AVEN: variants seen among roughly 807,000 people sequenced by gnomAD.
AVEN encodes the protein apoptosis and caspase activation inhibitor.
A neutral mutation model predicts 38.1 loss-of-function variants in AVEN; 41 were observed. That is an observed-to-expected ratio of 1.08 (90% CI 0.84 to 1.40). The LOEUF (loss-of-function observed/expected upper bound fraction) is 1.40. Ranked by LOEUF, AVEN falls within the 40% of genes most tolerant of loss-of-function variation. The probability of loss-of-function intolerance (pLI) is 0.00; values close to 1 mark genes in which losing one functional copy is unlikely to be tolerated. For synonymous variants in AVEN, 206 were observed against 171.8 expected (o/e 1.20, Z -1.56); for missense variants, 605 against 438.8 (o/e 1.38, Z -3.38).
At chr15:33,883,196 C>T (rs1891562898) in intron 2 of AVEN, among the ~76,000 whole-genome samples, 1 of 152,196 alleles carries the variant, frequency 6.6e-6, no homozygotes, top group African/African-American at 2.4e-5. Context: ...TTCCTCTAGA[C>T]ACCTCAGTTA....
chr15:33,979,651 T>C (rs1291415032), intron 2 of AVEN, among the ~76,000 whole-genome samples: 5 of 152,222 alleles, frequency 3.3e-5, no homozygotes, highest in African/African-American at 1.2e-4. Context: ...CCAAATGTTA[T>C]CTGTTTTCAG....
chr15:33,898,464 A>C (rs570856199), intron 2 of AVEN, among the ~76,000 whole-genome samples: 1 of 152,234 alleles, frequency 6.6e-6, no homozygotes, highest in Admixed American at 6.5e-5. Context: ...CTAGGGGAGG[A>C]GCTTCCCCTC....
At chr15:34,073,519 CTTTTTTTTT>C (rs10617421) in intron 1 of AVEN, among the ~76,000 whole-genome samples, 5 of 88,518 alleles carry the variant, frequency 5.6e-5, no homozygotes, top group Admixed American at 1.3e-4. Context: ...TTTCTTTTTT[CTTTTTTTTT>C]TTTTTTTTTG....
intron 5 of AVEN, among the ~76,000 whole-genome samples, chr15:34,053,589 T>G (rs1014748585): frequency 2.0e-5 from 3 of 151,998 alleles, no homozygotes; most frequent in African/African-American, 7.2e-5. Context: ...AAGGATTCCC[T>G]ATTTCATAAA....
chr15:33,887,127 TC>T lies in AVEN; in HGVS notation c.446-11133del, dbSNP rs1265384418. Among the ~76,000 whole-genome samples, 7 of 152,304 alleles carry T rather than the reference TC, an allele frequency of 4.6e-5. No homozygotes were observed. The East Asian group carries it at 1.4e-3, about 29-fold the overall frequency. ...CACAAAGTATGTAAGATAATTTTTT[TC>T]GGGTGGCCATGAGTCCAGATAAGAA... On this transcript the variant is annotated intron_variant, in intron 2 of 5. Transcript: ENST00000306730.
chr15:33,866,532 G>C lies in AVEN; in HGVS notation c.*81C>G, dbSNP rs922953380. 1 of 986,928 alleles carries C rather than the reference G, an allele frequency of 1.0e-6. No individual in the cohort carries two copies. Among genetic ancestry groups the C allele is most frequent in the African/African-American group, 1.6e-5 (1 of 61,858 alleles). 61.1% of individuals were successfully genotyped at this position (986,928 alleles called of 1,614,324 possible). ...TAGCTTGAGACATGCTTGTAAACTG[G>C]CTGGTCCTGAAGGACAGCCTTATGC... On this transcript the variant is annotated 3_prime_UTR_variant, in exon 6 of 6. Coordinates refer to ENST00000306730, the MANE Select transcript of AVEN (RefSeq NM_020371.3).
chr15:33,860,795 C>T lies in AVEN; in HGVS notation n.2730-1701G>A. ...CGCAGTTTGTTTTCCATGCCCTGTT[C>T]TCTGCACCCTGCCATACCCCTGCCA... is the stretch of plus-strand genomic sequence containing the variant. On this transcript the variant is annotated intron_variant and non_coding_transcript_variant, in intron 11 of 11. Transcript: ENST00000675287. The T allele has an allele frequency of 4.1e-6, 3 of 737,340 alleles. No individual in the cohort carries two copies. The South Asian group carries it at 5.5e-5, about 14-fold the overall frequency. 45.7% of individuals were successfully genotyped at this position (737,340 alleles called of 1,614,324 possible). A position where few individuals can be genotyped will look rare whatever the true frequency, so the allele number is the denominator to read the frequency against.
At chr15:33,966,412 G>C (rs1413916541) in intron 2 of AVEN, among the ~76,000 whole-genome samples, 2 of 152,072 alleles carry the variant, frequency 1.3e-5, no homozygotes, top group Non-Finnish European at 2.9e-5. Context: ...TATAATTTGA[G>C]AACATAAAGT....
Position 33,866,341 on chromosome 15 carries a change from C to T in AVEN, c.*272G>A. ...AACACTGGCTATGTTGTAAACACTG[C>T]AAGGAAGGAGGCTAGAAACAAGGGC... On this transcript the variant is annotated 3_prime_UTR_variant, in exon 6 of 6. Transcript: ENST00000306730. The T allele has an allele frequency of 2.1e-6, 1 of 485,544 alleles. No homozygotes were observed. Among genetic ancestry groups the T allele is most frequent in the Non-Finnish European group, 3.7e-6 (1 of 273,176 alleles). The allele number at this position is 485,544 out of a possible 1,614,324, so 30.1% of individuals were successfully genotyped here.
At chr15:34,020,516 A>G (rs187890423) in intron 1 of AVEN, among the ~76,000 whole-genome samples, 1 of 152,208 alleles carries the variant, frequency 6.6e-6, no homozygotes, top group Admixed American at 6.5e-5. Context: ...TGTTAACTAA[A>G]GGGTTAATGC....
intron 1 of AVEN, among the ~76,000 whole-genome samples, chr15:34,073,659 AACAGGTGCAC>A (rs1191124061): frequency 2.0e-5 from 3 of 150,922 alleles, no homozygotes; most frequent in African/African-American, 7.3e-5. Context: ...TAGCTGGGAT[AACAGGTGCAC>A]ACCACCACAC....
chr15:34,037,605 A>G (rs1439211136), intron 1 of AVEN, among the ~76,000 whole-genome samples: 1 of 150,546 alleles, frequency 6.6e-6, no homozygotes, highest in Non-Finnish European at 1.5e-5. Context: ...AGTGGGCACT[A>G]GGTTGGTCTT....
intron 2 of AVEN, among the ~76,000 whole-genome samples, chr15:33,945,769 T>C (rs1894485652): frequency 6.6e-6 from 1 of 152,140 alleles, no homozygotes; most frequent in African/African-American, 2.4e-5. Flanking sequence ...TGTATTTTCG[T>C]AGAGACGGGG....
At chr15:33,931,394 G>A (rs1279716942) in intron 2 of AVEN, among the ~76,000 whole-genome samples, 6 of 99,272 alleles carry the variant, frequency 6.0e-5, no homozygotes, top group East Asian at 3.2e-4. Context: ...TTTTTGAGAC[G>A]GAGTCTTGCT....
intron 2 of AVEN, among the ~76,000 whole-genome samples, chr15:33,884,779 G>T (rs549854461): frequency 1.3e-5 from 2 of 152,324 alleles, no homozygotes; most frequent in Admixed American, 1.3e-4. Context: ...AAGGAAACCT[G>T]CAAAGACTTT....
downstream of AVEN, among the ~76,000 whole-genome samples, chr15:33,858,368 C>T (rs1403810918): frequency 6.6e-6 from 1 of 152,078 alleles, no homozygotes; most frequent in East Asian, 1.9e-4. Flanking sequence ...CCACACCTGG[C>T]TAATTTTGTA....
rs1473600045 is a variant in AVEN, at chr15:33,867,806, T to C, written c.662A>G (p.Asp221Gly). 3.1e-6 allele frequency: 5 copies of C among 1,609,658 alleles called. No individual in the cohort carries two copies. In the African/African-American group the frequency reaches 5.4e-5, roughly 17 times the overall value. The change falls in exon 5 of 6, where the codon GAT becomes GGT. Residue 221 changes from aspartate to glycine, a missense_variant. By Grantham distance (94) the Asp-to-Gly change is moderately conservative. Transcript: ENST00000306730. ...TAACTGCATCCCTAATCCCTTGCCA[T>C]CATCAGTTCTCTTTGGTTTCACCTG... ...VPQVKPKRTDDGKGLGMQLKG... is the reference protein window; with the variant it reads ...VPQVKPKRTDGGKGLGMQLKG...
chr15:34,033,555 T>C (rs1275006829), intron 1 of AVEN, among the ~76,000 whole-genome samples: 1 of 151,732 alleles, frequency 6.6e-6, no homozygotes, highest in Admixed American at 6.6e-5. Context: ...TATTAATCAA[T>C]GTAATCTTAA....
chr15:34,063,522 G>T lies in AVEN; in HGVS notation n.1127-90C>A. 6.2e-7 allele frequency: 1 copy of T among 1,613,674 alleles called. No individual in the cohort carries two copies. Among genetic ancestry groups the T allele is most frequent in the Non-Finnish European group, 8.5e-7 (1 of 1,180,026 alleles). ...CCTGGCCCAGCGGGAAAGGAACCAG[G>T]CCTCCTGGTCATCCTCCCGCAGGAG... On this transcript the variant is annotated intron_variant and non_coding_transcript_variant, in intron 4 of 11. Transcript: ENST00000675287. The surrounding 1 kb of genome is among the most constrained non-coding windows in gnomAD (Gnocchi z 4.1).
Sources: allele counts gnomAD v4.1 joint callset (sites outside exome capture counted in the v4.1 genomes callset), GRCh38; gene constraint gnomAD v4.1.1; non-coding constraint Gnocchi (gnomAD v3.1); transcripts MANE v1.5; gene names NCBI Gene and HGNC (gene_info 2026-07-23, HGNC 2026-07-21).